Variants in GPAT3 observed in about 807,000 individuals in gnomAD.
The protein encoded by GPAT3 is glycerol-3-phosphate acyltransferase 3.
In GPAT3, 53 loss-of-function variants were observed where a neutral mutation model predicts 58.8. The observed-to-expected ratio is 0.90, with a 90% confidence interval of 0.72 to 1.13. The LOEUF is 1.13. Ranked by LOEUF, GPAT3 falls within the 50% of genes most tolerant of loss-of-function variation. The pLI, the probability that GPAT3 is intolerant of heterozygous loss-of-function variation, is 0.00. For synonymous variants in GPAT3, 197 were observed against 187.4 expected, an observed-to-expected ratio of 1.05 and a Z score of -0.42; for missense variants, 511 against 527.6, an observed-to-expected ratio of 0.97 and a Z score of 0.31.
intron 2 of GPAT3, among the ~76,000 whole-genome samples, chr4:83,550,631 C>T (rs1019134312): frequency 1.3e-5 from 2 of 152,012 alleles, no homozygotes; most frequent in African/African-American, 4.8e-5. Flanking sequence ...TGCTATTATC[C>T]CTTTAGCAAA....
intron 2 of GPAT3, among the ~76,000 whole-genome samples, chr4:83,562,742 C>G (rs1233712658): frequency 6.6e-6 from 1 of 151,598 alleles, no homozygotes; most frequent in Admixed American, 6.6e-5. Flanking sequence ...AAAGATCAAC[C>G]AGGTAAGAGA....
chr4:83,544,594 C>T lies in GPAT3; in HGVS notation c.200C>T (p.Ala67Val). The change falls in exon 2 of 12, where the codon GCT becomes GTT. Residue 67 changes from alanine (A) to valine (V), a missense_variant. Transcript: ENST00000264409. ...AAGGAGTCGATTCTTAAAAACTCTGCTTCTGTTGGTGAGTTTTCCTTTTCA... is the reference window on the plus strand; with the variant it reads ...AAGGAGTCGATTCTTAAAAACTCTGTTTCTGTTGGTGAGTTTTCCTTTTCA... The part of the protein sequence containing the change: ...TPKESILKNS[A>V]SVGIIQRDES... 6.2e-7 allele frequency: 1 copy of T among 1,613,988 alleles called. No homozygotes were observed. The highest frequency in any genetic ancestry group is 8.5e-7 in the Non-Finnish European group (1 of 1,179,934).
rs10618385 is a variant in GPAT3, at chr4:83,547,246, CTTT to C, written c.208+2666_208+2668del. 5.1e-4 allele frequency among the ~76,000 whole-genome samples: 42 copies of C among 82,192 alleles called. 1 individual carries two copies. The South Asian group carries it at 9.6e-3, about 19-fold the overall frequency. 53.9% of individuals were successfully genotyped at this position (82,192 alleles called of 152,430 possible). ...CACTGAAAAACTTCCTTCTACTGCT[CTTT>C]TTTTTTTTTTTTTTTTTTTTTGAGA... On this transcript the variant is annotated intron_variant, in intron 2 of 11. Transcript: ENST00000264409.
intron 2 of GPAT3, among the ~76,000 whole-genome samples, chr4:83,557,303 G>A (rs1025573671): frequency 2.6e-5 from 4 of 152,130 alleles, no homozygotes; most frequent in Non-Finnish European, 5.9e-5. Flanking sequence ...CTTTATTTTA[G>A]TAAAGCTTTT....
At chr4:83,567,706 G>A (rs890551103) in intron 2 of GPAT3, among the ~76,000 whole-genome samples, 7 of 152,158 alleles carry the variant, frequency 4.6e-5, no homozygotes, top group Non-Finnish European at 1.5e-5. Flanking sequence ...GCTGAGGCGG[G>A]TGGATCATTG....
chr4:83,563,982 T>A (rs1040293019), intron 2 of GPAT3, among the ~76,000 whole-genome samples: 25 of 152,358 alleles, frequency 1.6e-4, no homozygotes, highest in South Asian at 8.3e-4. Context: ...TCCCAACCTT[T>A]GCTGCTTAAA....
intron 1 of GPAT3, 40 bp from the exon 2 acceptor site, chr4:83,544,496 T>C (rs1560601195): frequency 6.3e-7 from 1 of 1,582,278 alleles, no homozygotes; most frequent in Admixed American, 1.7e-5. Flanking sequence ...ATGTTGTGTC[T>C]GTGGGACAGT....
chr4:83,561,435 A>G (rs553494888), intron 2 of GPAT3, among the ~76,000 whole-genome samples: 2 of 152,170 alleles, frequency 1.3e-5, no homozygotes, highest in South Asian at 4.1e-4. Flanking sequence ...TCAGTGTATC[A>G]TTCATATCCC....
chr4:83,595,049 G>C, intron 7 of GPAT3, 89 bp downstream of exon 7: 1 of 1,129,040 alleles, frequency 8.9e-7, no homozygotes, highest in Admixed American at 2.1e-5. Context: ...GAGCAGCACT[G>C]AGTCTCAAAA....
intron 2 of GPAT3, among the ~76,000 whole-genome samples, chr4:83,561,637 G>A (rs1725128136): frequency 6.6e-6 from 1 of 152,094 alleles, no homozygotes; most frequent in African/African-American, 2.4e-5. Flanking sequence ...ATGTGCTAGT[G>A]TTCAGCATCT....
intron 2 of GPAT3, among the ~76,000 whole-genome samples, chr4:83,580,073 A>G (rs1726050190): frequency 6.6e-6 from 1 of 152,214 alleles, no homozygotes; most frequent in Non-Finnish European, 1.5e-5. Flanking sequence ...GGAACCAATG[A>G]ATGATCATAT....
chr4:83,540,864 A>G (rs1328324973), intron 1 of GPAT3, among the ~76,000 whole-genome samples: 1 of 151,342 alleles, frequency 6.6e-6, no homozygotes, highest in Non-Finnish European at 1.5e-5. Flanking sequence ...TAATTTTTGT[A>G]TTTTCAATAG....
chr4:83,535,764 G>C, upstream of GPAT3: 6 of 985,434 alleles, frequency 6.1e-6, no homozygotes, highest in South Asian at 9.4e-5. Context: ...AGCCAGAAGC[G>C]GCGTACACGG....
intron 2 of GPAT3, among the ~76,000 whole-genome samples, chr4:83,567,553 C>T (rs1725446356): frequency 6.6e-6 from 1 of 152,112 alleles, no homozygotes; most frequent in South Asian, 2.1e-4. Flanking sequence ...ACAGTTGATT[C>T]TTATACTTGT....
In GPAT3 at chr4:83,545,444, T is replaced by A. The variant is rs537440590; in HGVS notation, c.208+842T>A. Among the ~76,000 whole-genome samples the A allele has an allele frequency of 1.3e-3, 197 of 145,990 alleles. 1 individual carries two copies. The highest frequency in any genetic ancestry group is 4.6e-3 in the African/African-American group (181 of 39,630). On this transcript the variant is annotated intron_variant, in intron 2 of 11. Transcript: ENST00000264409. ...CTGGGCAATACAGTGAGACCTCATT[T>A]AAAAAAAAAAAAAAGTCAAACTATC...
rs965038352 is a variant in GPAT3 at position 83,546,079 on chromosome 4, G to C, written c.208+1477G>C. Among the ~76,000 whole-genome samples the C allele has an allele frequency of 3.3e-5, 5 of 152,142 alleles. No individual in the cohort carries two copies. The East Asian group carries it at 5.8e-4, about 18-fold the overall frequency. ...GGCTCACTGTAACCTCTGCCTCCCA[G>C]GTTCAAGTGATTTTCCTGTCTCAGC... On this transcript the variant is annotated intron_variant, in intron 2 of 11. Coordinates refer to ENST00000264409, the MANE Select transcript of GPAT3 (RefSeq NM_032717.5).
At chr4:83,558,159 A>C (rs1725005730) in intron 2 of GPAT3, among the ~76,000 whole-genome samples, 1 of 152,106 alleles carries the variant, frequency 6.6e-6, no homozygotes, top group Non-Finnish European at 1.5e-5. Context: ...GGTTGCAGTG[A>C]GCCAAGATCA....
At chr4:83,550,844 C>A (rs1339189104) in intron 2 of GPAT3, among the ~76,000 whole-genome samples, 1 of 152,082 alleles carries the variant, frequency 6.6e-6, no homozygotes, top group Admixed American at 6.5e-5. Context: ...TTTCTTGGAA[C>A]AAAAATTACT....
intron 6 of GPAT3, 72 bp from the exon 7 acceptor site, chr4:83,594,773 G>T: frequency 8.3e-7 from 1 of 1,200,952 alleles, no homozygotes; most frequent in South Asian, 1.3e-5. Flanking sequence ...ATAGAAATTT[G>T]TTGGTACTTA....
Sources: gnomAD v4.1 joint callset for allele counts (sites outside exome capture counted in the v4.1 genomes callset) on GRCh38, gnomAD v4.1.1 for gene constraint, MANE v1.5 for transcripts, NCBI Gene and HGNC (gene_info 2026-07-23, HGNC 2026-07-21) for gene names.